Variants in CDH1 observed in about 807,000 individuals in gnomAD.
CDH1 encodes the protein cadherin-1.
A neutral mutation model predicts 84.5 loss-of-function variants in CDH1; 35 were observed. The ratio of observed to expected loss-of-function variants is 0.41; its 90% CI spans 0.32 to 0.55. The LOEUF is 0.55. CDH1 is among the 20% of genes least tolerant of loss of function. The pLI is 0.19. For synonymous variants in CDH1, 417 were observed against 439.0 expected, an observed-to-expected ratio of 0.95 and a Z score of 0.63; for missense variants, 994 against 1,126.6, an observed-to-expected ratio of 0.88 and a Z score of 1.68.
At chr16:68,760,192 CGG>C (rs1326042514) in intron 2 of CDH1, among the ~76,000 whole-genome samples, 3 of 148,970 alleles carry the variant, frequency 2.0e-5, no homozygotes, top group African/African-American at 7.4e-5. Context: ...CTCTGCCTCC[CGG>C]GTTCATGCCA....
At chr16:68,766,927 A>C (rs1428680558) in intron 2 of CDH1, among the ~76,000 whole-genome samples, 4 of 151,766 alleles carry the variant, frequency 2.6e-5, no homozygotes, top group Admixed American at 2.6e-4. Context: ...AGGTTTCACC[A>C]CGTTGGCTAG....
rs113102536 is a variant in CDH1, at chr16:68,788,683, T to A, written c.164-12987T>A. ...TATAAGCCACATTTACACATTTTTT[T>A]AAATGGGTAAATGTGAAATAAGAAG... On this transcript the variant is annotated intron_variant, in intron 2 of 15. Transcript: ENST00000261769. Among the ~76,000 whole-genome samples the A allele has an allele frequency of 4.7e-3, 721 of 152,214 alleles. 8 individuals are homozygous for A. Among genetic ancestry groups the A allele is most frequent in the African/African-American group, 0.016 (655 of 41,556 alleles).
At chr16:68,800,064 G>A (rs1157136564) in intron 2 of CDH1, among the ~76,000 whole-genome samples, 10 of 151,448 alleles carry the variant, frequency 6.6e-5, no homozygotes, top group Non-Finnish European at 1.2e-4. Context: ...GGTTGGCTGG[G>A]CACACTGGCT....
rs1060501231 is a variant in CDH1, at chr16:68,811,814, G to C, written c.963G>C (p.Arg321Ser). The C allele has an allele frequency of 6.2e-7, 1 of 1,614,124 alleles. No individual in the cohort carries two copies. The highest frequency in any genetic ancestry group is 8.5e-7 in the Non-Finnish European group (1 of 1,180,018). Residue 321 changes from arginine to serine, a missense_variant, in exon 7 of 16, where the codon AGG becomes AGC. By Grantham distance (110) the Arg-to-Ser change is moderately radical. Coordinates refer to ENST00000261769, the MANE Select transcript of CDH1 (RefSeq NM_004360.5). The part of the protein sequence containing the change: ...LPDKNMFTIN[R>S]NTGVISVVTT... ...ACAAAAATATGTTCACCATTAACAG[G>C]AACACAGGAGTCATCAGTGTGGTCA...
intron 14 of CDH1, among the ~76,000 whole-genome samples, 188 bp downstream of exon 14, chr16:68,828,492 A>G (rs1263152745): frequency 2.0e-5 from 3 of 152,300 alleles, no homozygotes; most frequent in East Asian, 3.9e-4. Flanking sequence ...CACAGCTAAC[A>G]TTTATTGATC....
intron 13 of CDH1, among the ~76,000 whole-genome samples, chr16:68,825,121 T>G (rs1017583008): frequency 1.3e-5 from 2 of 152,110 alleles, no homozygotes; most frequent in African/African-American, 4.8e-5. Flanking sequence ...TAAAAAAAAT[T>G]TTTTAAAAGA....
chr16:68,831,750 T>C (rs1596974768), intron 15 of CDH1, among the ~76,000 whole-genome samples: 1 of 150,732 alleles, frequency 6.6e-6, no homozygotes, highest in Non-Finnish European at 1.5e-5. Flanking sequence ...TATTGGCTAG[T>C]CTGGTCTCAA....
At chr16:68,777,636 C>A (rs977892292) in intron 2 of CDH1, among the ~76,000 whole-genome samples, 2 of 150,586 alleles carry the variant, frequency 1.3e-5, no homozygotes, top group African/African-American at 4.9e-5. Context: ...CTCGACCTCC[C>A]AGGCTCAAGC....
chr16:68,795,113 A>G (rs1188969567), intron 2 of CDH1, among the ~76,000 whole-genome samples: 1 of 152,190 alleles, frequency 6.6e-6, no homozygotes, highest in East Asian at 1.9e-4. Context: ...TGAATGCTCA[A>G]TAAACCTGTA....
intron 5 of CDH1, 48 bp downstream of exon 5, chr16:68,808,896 G>A: frequency 6.2e-7 from 1 of 1,602,068 alleles, no homozygotes; most frequent in Non-Finnish European, 8.5e-7. Flanking sequence ...CATCCACCCA[G>A]GATTTTTTGG....
intron 2 of CDH1, among the ~76,000 whole-genome samples, chr16:68,758,409 C>T (rs948289574): frequency 1.3e-5 from 2 of 151,522 alleles, no homozygotes; most frequent in South Asian, 2.1e-4. Flanking sequence ...GTGCCTGGTA[C>T]GTAGCAACCA....
chr16:68,765,388 A>AT (rs1379499306), intron 2 of CDH1: 2 of 152,062 alleles, frequency 1.3e-5, no homozygotes, highest in African/African-American at 2.4e-5. Context: ...GGGTTTCTCC[A>AT]TGTTGGCCAG....
intron 2 of CDH1, among the ~76,000 whole-genome samples, chr16:68,762,824 G>A (rs905888201): frequency 7.0e-6 from 1 of 141,950 alleles, no homozygotes; most frequent in Non-Finnish European, 1.5e-5. Flanking sequence ...CAGGAGAATC[G>A]CTTGAACCCC....
chr16:68,796,854 C>G (rs1044856320), intron 2 of CDH1, among the ~76,000 whole-genome samples: 1 of 152,156 alleles, frequency 6.6e-6, no homozygotes, highest in Non-Finnish European at 1.5e-5. Context: ...CAAACTGCCT[C>G]CTGGCCAGGC....
intron 3 of CDH1, among the ~76,000 whole-genome samples, chr16:68,804,993 C>A (rs1294461923): frequency 1.6e-5 from 2 of 122,140 alleles, no homozygotes; most frequent in Non-Finnish European, 3.3e-5. Flanking sequence ...CCATGCCCAG[C>A]TAATTTTTTT....
intron 2 of CDH1, 56 bp downstream of exon 2, chr16:68,738,467 C>A: frequency 1.6e-6 from 2 of 1,220,632 alleles, no homozygotes; most frequent in South Asian, 1.4e-5. Context: ...GGAAAGGGGC[C>A]GAGAAATTGC....
intron 2 of CDH1, among the ~76,000 whole-genome samples, chr16:68,771,412 G>A (rs1270680449): frequency 3.3e-5 from 5 of 152,226 alleles, no homozygotes; most frequent in African/African-American, 9.6e-5. Context: ...TGAGCCTCCC[G>A]AGTAGCTGGG....
chr16:68,786,312 C>A (rs573733363), intron 2 of CDH1, among the ~76,000 whole-genome samples: 1 of 152,004 alleles, frequency 6.6e-6, no homozygotes, highest in Non-Finnish European at 1.5e-5. Flanking sequence ...GCTGGGATTA[C>A]AGGTGCCCGC....
intron 2 of CDH1, among the ~76,000 whole-genome samples, chr16:68,794,685 C>CT (rs34110311): frequency 0.27 from 34,053 of 126,436 alleles, 5,264 homozygotes; most frequent in Non-Finnish European, 0.29. Context: ...GCCGGGCTAA[C>CT]TTTTTTTTTT....
Sources: gnomAD v4.1 joint callset for allele counts (sites outside exome capture counted in the v4.1 genomes callset) on GRCh38, gnomAD v4.1.1 for gene constraint, MANE v1.5 for transcripts, NCBI Gene and HGNC (gene_info 2026-07-23, HGNC 2026-07-21) for gene names.